Variants in FANCC observed in about 807,000 individuals in gnomAD.
FANCC encodes the protein Fanconi anemia group C protein.
A neutral mutation model predicts 71.3 loss-of-function variants in FANCC; 55 were observed. That is an observed-to-expected ratio of 0.77 (90% CI 0.62 to 0.97). The LOEUF is 0.97. Ranked by LOEUF, FANCC falls within the 50% of genes least tolerant of loss-of-function variation. The probability of loss-of-function intolerance (pLI) is 0.00; values close to 1 mark genes in which losing one functional copy is unlikely to be tolerated. For missense variants in FANCC, 678 were observed against 670.9 expected, an observed-to-expected ratio of 1.01 and a Z score of -0.12; for synonymous variants, 275 against 244.9, an observed-to-expected ratio of 1.12 and a Z score of -1.15.
intron 1 of FANCC, chr9:95,293,258 GT>G (rs1834167969): frequency 6.2e-7 from 1 of 1,612,948 alleles, no homozygotes; most frequent in Admixed American, 1.7e-5. Flanking sequence ...TAAACTACCC[GT>G]GATGCAGTTT....
intron 1 of FANCC, among the ~76,000 whole-genome samples, chr9:95,282,588 A>G (rs1278164257): frequency 6.6e-6 from 1 of 152,170 alleles, no homozygotes; most frequent in Non-Finnish European, 1.5e-5. Flanking sequence ...AAATGGACCT[A>G]ACAAACATTT....
At chr9:95,292,937 T>C (rs1346038394) in intron 1 of FANCC, 17 of 1,579,672 alleles carry the variant, frequency 1.1e-5, no homozygotes, top group African/African-American at 1.4e-5. Context: ...CCTACGCCAG[T>C]AGAAAAGCAT....
chr9:95,292,439 G>A, intron 1 of FANCC: 3 of 1,156,348 alleles, frequency 2.6e-6, no homozygotes, highest in East Asian at 4.2e-5. Flanking sequence ...CCGCCGCCTC[G>A]GGCCCGTGGG....
At chr9:95,285,276 T>A (rs1226739999) in intron 1 of FANCC, among the ~76,000 whole-genome samples, 1 of 152,064 alleles carries the variant, frequency 6.6e-6, no homozygotes, top group East Asian at 1.9e-4. Flanking sequence ...TATAAATTAT[T>A]ATAATACTAT....
rs1683460106 is a variant in FANCC at position 95,291,961 on chromosome 9, AAAAAAAATATATATAT to A, written c.-79+25549_-79+25564del. Among the ~76,000 whole-genome samples, 3 of 104,288 alleles carry A rather than the reference AAAAAAAATATATATAT, an allele frequency of 2.9e-5. No homozygotes were observed. The South Asian group carries it at 1.0e-3, about 35-fold the overall frequency. 68.4% of individuals were successfully genotyped at this position (104,288 alleles called of 152,430 possible). ...AGACTCTGTCTCAAAAAAAAAAAAA[AAAAAAAATATATATAT>A]ATATATATATATATATTAAGACCCC... On this transcript the variant is annotated intron_variant, in intron 1 of 14. Coordinates refer to ENST00000289081, the MANE Select transcript of FANCC (RefSeq NM_000136.3).
At chr9:95,173,271 C>T (rs553418947) in intron 4 of FANCC, among the ~76,000 whole-genome samples, 2 of 152,128 alleles carry the variant, frequency 1.3e-5, no homozygotes, top group Admixed American at 6.5e-5. Context: ...TGAATGGCAC[C>T]GAGGCGCCCA....
rs989098196 is a variant in FANCC, at chr9:95,100,756, G to A, written c.*951C>T. ...AGAGATCCTCATGCCTCAGCCTCTT[G>A]AATAGCTGGGATTACAGATGCATGC... On this transcript the variant is annotated 3_prime_UTR_variant, in exon 15 of 15. Coordinates refer to ENST00000289081, the MANE Select transcript of FANCC (RefSeq NM_000136.3). 28 of 225,902 alleles carry A rather than the reference G, an allele frequency of 1.2e-4. No homozygotes were observed. The highest frequency in any genetic ancestry group is 5.3e-4 in the African/African-American group (24 of 44,950). The allele number at this position is 225,902 out of a possible 1,614,324, so 14.0% of individuals were successfully genotyped here. A position where few individuals can be genotyped will look rare whatever the true frequency, so the allele number is the denominator to read the frequency against.
rs138804116 is a variant in FANCC, at chr9:95,139,824, A to G, written c.687-4322T>C. ...TATTGTTTGACCTGACAAAATGAAT[A>G]TATATATATTTATATATATATATAT... On this transcript the variant is annotated intron_variant, in intron 7 of 14. Coordinates refer to ENST00000289081, the MANE Select transcript of FANCC (RefSeq NM_000136.3). Among the ~76,000 whole-genome samples the G allele has an allele frequency of 3.3e-3, 480 of 147,054 alleles. 7 individuals are homozygous for G. The East Asian group carries it at 0.042, about 13-fold the overall frequency.
rs559493763 is a variant in FANCC, at chr9:95,150,555, C to A, written c.522-468G>T. Among the ~76,000 whole-genome samples, 3 of 152,322 alleles carry A rather than the reference C, an allele frequency of 2.0e-5. No homozygotes were observed. The East Asian group carries it at 5.8e-4, about 29-fold the overall frequency. Reference sequence around the variant, plus strand: ...TCACCACCACCTCTAGCCTGGGTGACAGAGTAGCCTCTGGATTTCTTGTTT... The same window carrying A: ...TCACCACCACCTCTAGCCTGGGTGAAAGAGTAGCCTCTGGATTTCTTGTTT... On this transcript the variant is annotated intron_variant, in intron 6 of 14. Transcript: ENST00000289081.
At chr9:95,247,293 G>T in intron 3 of FANCC, 139 bp downstream of exon 3, 2 of 689,444 alleles carry the variant, frequency 2.9e-6, no homozygotes, top group South Asian at 1.6e-5. Context: ...AGCCATCTTT[G>T]TAATAGAACA....
chr9:95,144,904 CAT>C (rs1829323329), intron 7 of FANCC, among the ~76,000 whole-genome samples: 1 of 152,152 alleles, frequency 6.6e-6, no homozygotes, highest in African/African-American at 2.4e-5. Flanking sequence ...AAGGACCAAA[CAT>C]AACGCTCGGA....
At chr9:95,183,798 G>A (rs1826531278) in intron 4 of FANCC, among the ~76,000 whole-genome samples, 1 of 152,086 alleles carries the variant, frequency 6.6e-6, no homozygotes, top group African/African-American at 2.4e-5. Flanking sequence ...TTGCTGAAAG[G>A]GGTCCTGAGA....
In FANCC at chr9:95,255,128, G is replaced by C. The variant is rs116212615; in HGVS notation, c.-78-5759C>G. Among the ~76,000 whole-genome samples the C allele has an allele frequency of 3.3e-3, 504 of 152,240 alleles. 2 individuals carry two copies. The highest frequency in any genetic ancestry group is 0.011 in the African/African-American group (471 of 41,548). ...GGGGGAAGGGGTGGCTGTGGGCGCA[G>C]CTATAGCAGAATTAAACGTTCCCGC... On this transcript the variant is annotated intron_variant, in intron 1 of 14. Transcript: ENST00000289081.
In FANCC at chr9:95,240,082, C is replaced by G. The variant is rs114179666; in HGVS notation, c.345+567G>C. Among the ~76,000 whole-genome samples the G allele has an allele frequency of 3.3e-3, 507 of 152,326 alleles. 3 individuals are homozygous for G. Among genetic ancestry groups the G allele is most frequent in the African/African-American group, 0.012 (480 of 41,564 alleles). On this transcript the variant is annotated intron_variant, in intron 4 of 14. Transcript: ENST00000289081. ...AGAAAGTAGAAGCAGACAGGGAAAT[C>G]TAGAAAGCTGTCAGCTATCTGGACT...
At chr9:95,114,498 A>T in intron 12 of FANCC, 131 bp downstream of exon 12, 1 of 858,560 alleles carries the variant, frequency 1.2e-6, no homozygotes, top group Non-Finnish European at 2.0e-6. Context: ...TCACTTCACC[A>T]TGGTGCTCAC....
chr9:95,129,717 C>T (rs1306756699), intron 8 of FANCC, among the ~76,000 whole-genome samples: 1 of 152,200 alleles, frequency 6.6e-6, no homozygotes, highest in Admixed American at 6.5e-5. Context: ...CATTTCAACT[C>T]GAGGGGAGCT....
chr9:95,304,553 T>C (rs1397762372), intron 1 of FANCC, among the ~76,000 whole-genome samples: 4 of 148,520 alleles, frequency 2.7e-5, no homozygotes, highest in African/African-American at 1.0e-4. Flanking sequence ...AAGACCAGCT[T>C]GGGCAACATG....
At chr9:95,123,875 G>A in intron 10 of FANCC, 3 of 559,018 alleles carry the variant, frequency 5.4e-6, no homozygotes, top group Non-Finnish European at 1.0e-5. Flanking sequence ...GTAAGGAGTT[G>A]AGTCCTTAAA....
At chr9:95,219,512 A>G (rs1021075539) in intron 4 of FANCC, among the ~76,000 whole-genome samples, 2 of 152,166 alleles carry the variant, frequency 1.3e-5, no homozygotes, top group African/African-American at 2.4e-5. Flanking sequence ...CACAAGACAC[A>G]CAAAGACACA....
Sources: allele counts gnomAD v4.1 joint callset (sites outside exome capture counted in the v4.1 genomes callset), GRCh38; gene constraint gnomAD v4.1.1; transcripts MANE v1.5; gene names NCBI Gene and HGNC (gene_info 2026-07-23, HGNC 2026-07-21).